The following ENPP6 variants were observed in gnomAD, a reference collection of about 807,000 sequenced individuals.
ENPP6 encodes ectonucleotide pyrophosphatase/phosphodiesterase 6, also known as glycerophosphocholine cholinephosphodiesterase ENPP6.
A neutral mutation model predicts 42.0 loss-of-function variants in ENPP6; 32 were observed. The observed-to-expected ratio is 0.76, with a 90% confidence interval of 0.58 to 1.02. The LOEUF is 1.02. Ranked by LOEUF, ENPP6 falls within the 50% of genes least tolerant of loss-of-function variation. The pLI, the probability that ENPP6 is intolerant of heterozygous loss-of-function variation, is 0.00. For synonymous variants in ENPP6, 213 were observed against 216.0 expected, an observed-to-expected ratio of 0.99 and a Z score of 0.12; for missense variants, 552 against 566.8, an observed-to-expected ratio of 0.97 and a Z score of 0.27.
chr4:184,092,036 T>G (rs1022102806), intron 7 of ENPP6, among the ~76,000 whole-genome samples: 1 of 152,208 alleles, frequency 6.6e-6, no homozygotes, highest in African/African-American at 2.4e-5. Context: ...CAGCAGAGCC[T>G]GTATGGTCAC....
chr4:184,090,732 T>G lies in ENPP6; in HGVS notation c.*445A>C. ...GGATGGAAGGAACAGTACAGGATTG[T>G]GGCCACAGACACTGAGGATGGCTCC... On this transcript the variant is annotated 3_prime_UTR_variant, in exon 8 of 8. Transcript: ENST00000296741. 1 of 324,792 alleles carries G rather than the reference T, an allele frequency of 3.1e-6. No homozygotes were observed. Among genetic ancestry groups the G allele is most frequent in the African/African-American group, 2.1e-5 (1 of 47,306 alleles). The allele number at this position is 324,792 out of a possible 1,614,324, so 20.1% of individuals were successfully genotyped here. A position where few individuals can be genotyped will look rare whatever the true frequency, so the allele number is the denominator to read the frequency against.
At chr4:184,205,748 C>T (rs1485175454) in intron 1 of ENPP6, among the ~76,000 whole-genome samples, 1 of 152,126 alleles carries the variant, frequency 6.6e-6, no homozygotes, top group Non-Finnish European at 1.5e-5. Flanking sequence ...GTGGTGGCTT[C>T]AGCCAGGGGT....
At position 184,160,112 on chromosome 4, in the gene ENPP6, T is replaced by C. The variant is rs143046265; in HGVS notation, c.242-6379A>G. On this transcript the variant is annotated intron_variant, in intron 1 of 7. Transcript: ENST00000296741. ...ATTATGAATTGTGCTGTTATAAACA[T>C]GCATGTGCAAGTGTCTTTTTTATAT... Among the ~76,000 whole-genome samples the C allele has an allele frequency of 6.0e-3, 919 of 152,362 alleles. 15 individuals are homozygous for C. The highest frequency in any genetic ancestry group is 0.02 in the African/African-American group (818 of 41,584).
intron 1 of ENPP6, among the ~76,000 whole-genome samples, chr4:184,210,803 A>G (rs567349710): frequency 0.011 from 1,641 of 152,018 alleles, 30 homozygotes; most frequent in African/African-American, 0.038. Context: ...AGCACCACAC[A>G]ACACCTATTC....
chr4:184,116,759 C>G, intron 5 of ENPP6, 97 bp downstream of exon 5: 1 of 1,494,352 alleles, frequency 6.7e-7, no homozygotes, highest in Middle Eastern at 2.5e-4. Context: ...CACACACACA[C>G]AAAACAAAAC....
chr4:184,163,089 G>A (rs1737292750), intron 1 of ENPP6, among the ~76,000 whole-genome samples: 1 of 152,158 alleles, frequency 6.6e-6, no homozygotes, highest in African/African-American at 2.4e-5. Flanking sequence ...CCAGTGCAAG[G>A]GCCAGGGAAA....
intron 1 of ENPP6, among the ~76,000 whole-genome samples, chr4:184,192,516 A>G (rs547616857): frequency 6.6e-6 from 1 of 152,336 alleles, no homozygotes; most frequent in African/African-American, 2.4e-5. Context: ...ATAGGAGTAA[A>G]TCATCACGAT....
chr4:184,152,089 C>T (rs1274154440), intron 2 of ENPP6, among the ~76,000 whole-genome samples: 1 of 152,184 alleles, frequency 6.6e-6, no homozygotes, highest in Non-Finnish European at 1.5e-5. Flanking sequence ...TGTTGCTTGG[C>T]CCAGCTGTGA....
intron 1 of ENPP6, among the ~76,000 whole-genome samples, chr4:184,167,412 G>C (rs1737367036): frequency 1.3e-5 from 2 of 152,156 alleles, no homozygotes; most frequent in Non-Finnish European, 2.9e-5. Context: ...GTAGAACTTA[G>C]AATGGCCAAT....
At chr4:184,096,848 GC>G (rs1420909702) in intron 7 of ENPP6, among the ~76,000 whole-genome samples, 3 of 152,242 alleles carry the variant, frequency 2.0e-5, no homozygotes, top group African/African-American at 7.2e-5. Context: ...CCGTGGAAGA[GC>G]CAGACCCCGA....
At chr4:184,135,852 A>C (rs1004875709) in intron 2 of ENPP6, among the ~76,000 whole-genome samples, 1 of 152,190 alleles carries the variant, frequency 6.6e-6, no homozygotes, top group African/African-American at 2.4e-5. Flanking sequence ...CTAACACTGC[A>C]CATTAGCTTC....
chr4:184,137,338 C>A (rs1235110741), intron 2 of ENPP6, among the ~76,000 whole-genome samples: 1 of 152,214 alleles, frequency 6.6e-6, no homozygotes, highest in Non-Finnish European at 1.5e-5. Context: ...CTCAAGCAAT[C>A]CACCTGCCTC....
chr4:184,131,270 T>TCCTTCCTTCCTTCCTC (rs1736625609), intron 2 of ENPP6, among the ~76,000 whole-genome samples: 1 of 111,148 alleles, frequency 9.0e-6, no homozygotes, highest in African/African-American at 3.5e-5. Context: ...CTTCCTTCCT[T>TCCTTCCTTCCTTCCTC]CCTTCCTTCC....
At chr4:184,106,831 C>G (rs1432180890) in intron 6 of ENPP6, among the ~76,000 whole-genome samples, 1 of 152,214 alleles carries the variant, frequency 6.6e-6, no homozygotes, top group East Asian at 1.9e-4. Flanking sequence ...TTCTCGTTGG[C>G]CGTCGCTGTA....
chr4:184,205,265 A>G (rs1428000448), intron 1 of ENPP6, among the ~76,000 whole-genome samples: 1 of 152,230 alleles, frequency 6.6e-6, no homozygotes, highest in Non-Finnish European at 1.5e-5. Context: ...AGAAGACAGA[A>G]ATAAATAATC....
chr4:184,202,421 G>A (rs775170990), intron 1 of ENPP6, among the ~76,000 whole-genome samples: 13 of 152,188 alleles, frequency 8.5e-5, no homozygotes, highest in Non-Finnish European at 1.8e-4. Flanking sequence ...GAAGTCTGGA[G>A]TGGAACAGGA....
intron 2 of ENPP6, among the ~76,000 whole-genome samples, chr4:184,137,705 G>T (rs971153003): frequency 2.0e-5 from 3 of 152,160 alleles, no homozygotes; most frequent in Admixed American, 6.5e-5. Flanking sequence ...TACTGCTAGG[G>T]TGTTGCTTTT....
At chr4:184,143,346 G>T (rs1231730316) in intron 2 of ENPP6, among the ~76,000 whole-genome samples, 1 of 152,214 alleles carries the variant, frequency 6.6e-6, no homozygotes, top group African/African-American at 2.4e-5. Flanking sequence ...TTCTCAGGTG[G>T]TTCTGAGCCA....
At chr4:184,120,834 T>C (rs536125042) in intron 3 of ENPP6, among the ~76,000 whole-genome samples, 1 of 152,186 alleles carries the variant, frequency 6.6e-6, no homozygotes, top group Non-Finnish European at 1.5e-5. Flanking sequence ...GGACTCCCTG[T>C]CGCTGTCTCA....
Sources: allele counts gnomAD v4.1 joint callset (sites outside exome capture counted in the v4.1 genomes callset), GRCh38; gene constraint gnomAD v4.1.1; transcripts MANE v1.5; gene names NCBI Gene and HGNC (gene_info 2026-07-23, HGNC 2026-07-21).